The following PPP1R1C variants were observed in gnomAD, a reference collection of about 807,000 sequenced individuals.
PPP1R1C encodes the protein protein phosphatase 1 regulatory subunit 1C.
PPP1R1C carries 15 observed loss-of-function variants against 17.4 expected under a neutral mutation model. The observed-to-expected ratio is 0.86, with a 90% CI of 0.58 to 1.33. The LOEUF (loss-of-function observed/expected upper bound fraction) is 1.33. Among genes scored for constraint, PPP1R1C ranks in the 40% most tolerant of loss-of-function variants. The pLI is 0.00. For missense variants in PPP1R1C, 143 were observed against 130.0 expected (o/e 1.10, Z -0.48); for synonymous variants, 35 against 43.1 (o/e 0.81, Z 0.73).
intron 2 of PPP1R1C, among the ~76,000 whole-genome samples, chr2:182,013,042 A>G (rs1344352783): frequency 1.3e-5 from 2 of 152,106 alleles, no homozygotes; most frequent in African/African-American, 2.4e-5. Flanking sequence ...CTTATTACTC[A>G]AGATATGAAT....
chr2:182,105,533 C>T (rs575561117), intron 4 of PPP1R1C, among the ~76,000 whole-genome samples: 19 of 151,616 alleles, frequency 1.3e-4, no homozygotes, highest in South Asian at 4.2e-4. Context: ...TTTATAGTGA[C>T]GGGAGAGGGA....
At position 182,076,181 on chromosome 2, in the gene PPP1R1C, C is replaced by CTTTTTTTTTTTTTTTTTTTTTTTTTTT. The variant is rs1319925818; in HGVS notation, c.241+12400_241+12401insTTTTTTTTTTTTTTTTTTTTTTTTTTT. 4.2e-5 allele frequency among the ~76,000 whole-genome samples: 2 copies of CTTTTTTTTTTTTTTTTTTTTTTTTTTT among 47,486 alleles called. 1 individual carries two copies. The highest frequency in any genetic ancestry group is 1.7e-4 in the African/African-American group (2 of 11,570). The allele number at this position is 47,486 out of a possible 152,430, so 31.2% of individuals were successfully genotyped here. A position where few individuals can be genotyped will look rare whatever the true frequency, so the allele number is the denominator to read the frequency against. On this transcript the variant is annotated intron_variant, in intron 4 of 4. Transcript: ENST00000682840. Reference sequence around the variant, plus strand: ...TTATCTATAAATCAAGGATTTTGAACTTTTTTTTTTCTTTTCTTTTTTTTT... The same window carrying CTTTTTTTTTTTTTTTTTTTTTTTTTTT: ...TTATCTATAAATCAAGGATTTTGAACTTTTTTTTTTTTTTTTTTTTTTTTTTTTTTTTTTTTTCTTTTCTTTTTTTTT...
intron 2 of PPP1R1C, among the ~76,000 whole-genome samples, chr2:182,035,001 T>C (rs1443768254): frequency 1.3e-5 from 2 of 152,018 alleles, no homozygotes; most frequent in Non-Finnish European, 2.9e-5. Context: ...GAAAGGACTG[T>C]GTCTGATTGC....
At chr2:182,065,523 T>G (rs953221144) in intron 4 of PPP1R1C, among the ~76,000 whole-genome samples, 4 of 152,156 alleles carry the variant, frequency 2.6e-5, no homozygotes, top group African/African-American at 9.7e-5. Flanking sequence ...TGTATAATTC[T>G]TCAAATTGCA....
At chr2:181,993,593 A>G (rs942308729) in intron 2 of PPP1R1C, among the ~76,000 whole-genome samples, 4 of 152,188 alleles carry the variant, frequency 2.6e-5, no homozygotes, top group African/African-American at 9.6e-5. Flanking sequence ...TTTGAAGATC[A>G]TTGAAGTGTT....
chr2:182,000,216 G>T (rs1390410401), intron 2 of PPP1R1C, among the ~76,000 whole-genome samples: 2 of 152,166 alleles, frequency 1.3e-5, no homozygotes, highest in East Asian at 3.9e-4. Context: ...TTATTCACAA[G>T]GCTGCTGGGA....
intron 1 of PPP1R1C, among the ~76,000 whole-genome samples, chr2:181,955,746 T>C (rs893941766): frequency 1.3e-5 from 2 of 152,222 alleles, no homozygotes; most frequent in Non-Finnish European, 2.9e-5. Context: ...TTTTCATAAA[T>C]AACACTTTTC....
At chr2:182,032,821 C>G (rs139538729) in intron 2 of PPP1R1C, among the ~76,000 whole-genome samples, 11 of 152,174 alleles carry the variant, frequency 7.2e-5, no homozygotes, top group Middle Eastern at 3.4e-3. Context: ...ACTAAGTGCT[C>G]GATAAATATT....
At chr2:181,966,266 C>T (rs540158278) in intron 1 of PPP1R1C, among the ~76,000 whole-genome samples, 3 of 152,290 alleles carry the variant, frequency 2.0e-5, no homozygotes, top group Non-Finnish European at 4.4e-5. Flanking sequence ...GATGATTTGA[C>T]TTCTTCCTTT....
rs569435932 is a variant in PPP1R1C at position 182,100,941 on chromosome 2, C to T, written c.242-16266C>T. On this transcript the variant is annotated intron_variant, in intron 4 of 4. Coordinates refer to ENST00000682840, the MANE Select transcript of PPP1R1C (RefSeq NM_001080545.3). ...AGAAGCAGGCAGGGCTGATTGTTTT[C>T]CCATGTTTGGTGGTCATGAGAAGAG... 2.6e-4 allele frequency among the ~76,000 whole-genome samples: 39 copies of T among 152,218 alleles called. 1 individual carries two copies. The South Asian group carries it at 7.9e-3, about 31-fold the overall frequency.
At chr2:182,113,095 A>G (rs574610864) in intron 4 of PPP1R1C, among the ~76,000 whole-genome samples, 4 of 152,306 alleles carry the variant, frequency 2.6e-5, no homozygotes, top group Admixed American at 1.3e-4. Flanking sequence ...TAATGCAGGA[A>G]TTATCTATAA....
At chr2:182,112,799 G>T (rs1029650350) in intron 4 of PPP1R1C, among the ~76,000 whole-genome samples, 2 of 151,972 alleles carry the variant, frequency 1.3e-5, no homozygotes, top group African/African-American at 2.4e-5. Context: ...AAGGTCAGAA[G>T]CTCTTTAAAA....
intron 2 of PPP1R1C, among the ~76,000 whole-genome samples, chr2:182,043,018 T>A (rs1253459190): frequency 6.6e-6 from 1 of 152,226 alleles, no homozygotes; most frequent in Non-Finnish European, 1.5e-5. Flanking sequence ...AAAAAATATG[T>A]AAGCAACTGC....
chr2:182,019,086 A>G (rs947590984), intron 2 of PPP1R1C, among the ~76,000 whole-genome samples: 1 of 152,230 alleles, frequency 6.6e-6, no homozygotes, highest in African/African-American at 2.4e-5. Flanking sequence ...AAGTATATTT[A>G]TGCCATGAAA....
intron 2 of PPP1R1C, among the ~76,000 whole-genome samples, chr2:182,002,145 C>T (rs1450598088): frequency 6.6e-6 from 1 of 152,002 alleles, no homozygotes; most frequent in Non-Finnish European, 1.5e-5. Context: ...TGTTGATATT[C>T]TTCTTAGCAT....
At chr2:182,043,718 G>C (rs563485020) in intron 2 of PPP1R1C, among the ~76,000 whole-genome samples, 1 of 151,086 alleles carries the variant, frequency 6.6e-6, no homozygotes, top group African/African-American at 2.4e-5. Flanking sequence ...CTTTTTACAG[G>C]CCTCTTCCCT....
At chr2:182,089,654 C>G (rs1460439480) in intron 4 of PPP1R1C, among the ~76,000 whole-genome samples, 2 of 152,046 alleles carry the variant, frequency 1.3e-5, no homozygotes, top group Non-Finnish European at 2.9e-5. Context: ...ACATACAAAA[C>G]AGGTATTATT....
At chr2:182,124,314 G>GTTTTT (rs796745919) in intron 5 of PPP1R1C, among the ~76,000 whole-genome samples, 5 of 42,064 alleles carry the variant, frequency 1.2e-4, no homozygotes, top group Non-Finnish European at 1.8e-4. Context: ...GTTTTTTTTT[G>GTTTTT]TTTTTTTTTT....
chr2:182,075,228 AAAACC>A, intron 4 of PPP1R1C, among the ~76,000 whole-genome samples: 1 of 152,322 alleles, frequency 6.6e-6, no homozygotes, highest in South Asian at 2.1e-4. Context: ...TTTTATTTTC[AAAACC>A]AAACTTAAAA....
Sources: gnomAD v4.1 joint callset for allele counts (sites outside exome capture counted in the v4.1 genomes callset) on GRCh38, gnomAD v4.1.1 for gene constraint, MANE v1.5 for transcripts, NCBI Gene and HGNC (gene_info 2026-07-23, HGNC 2026-07-21) for gene names.